The following IPO8 variants were observed in gnomAD, a reference collection of about 807,000 sequenced individuals.
IPO8 encodes the protein importin-8.
In IPO8, 65 loss-of-function variants were observed where a neutral mutation model predicts 141.2. The observed-to-expected ratio is 0.46, with a 90% CI of 0.38 to 0.57. The LOEUF (loss-of-function observed/expected upper bound fraction) is 0.57, where lower values mean the gene tolerates loss of function less well. IPO8 is among the 20% of genes least tolerant of loss of function. IPO8 has a pLI of 0.00. For missense variants in IPO8, 980 were observed against 1,246.8 expected (o/e 0.79, Z 3.22); for synonymous variants, 411 against 420.3 (o/e 0.98, Z 0.27).
intron 2 of IPO8, chr12:30,688,397 T>G (rs764726816): frequency 1.1e-5 from 5 of 437,370 alleles, no homozygotes; most frequent in Non-Finnish European, 1.8e-5. Context: ...ACACTTTAGA[T>G]TGCCCACAAG....
Position 30,656,134 on chromosome 12 carries a change from T to G in IPO8, c.1948+550A>C, listed in dbSNP as rs571895678. 1.1e-4 allele frequency among the ~76,000 whole-genome samples: 17 copies of G among 152,344 alleles called. No homozygotes were observed. In the East Asian group the frequency reaches 3.3e-3, roughly 29 times the overall value. On this transcript the variant is annotated intron_variant, in intron 17 of 24. Coordinates refer to ENST00000256079, the MANE Select transcript of IPO8 (RefSeq NM_006390.4). Reference sequence around the variant, plus strand: ...TCATGGCAGCCTCTACCTGCCAGGCTCATGTGATCCTCCCACTTCAGCCTA... The same window carrying G: ...TCATGGCAGCCTCTACCTGCCAGGCGCATGTGATCCTCCCACTTCAGCCTA...
At chr12:30,660,736 C>T (rs1591832773) in intron 16 of IPO8, among the ~76,000 whole-genome samples, 1 of 152,084 alleles carries the variant, frequency 6.6e-6, no homozygotes, top group Non-Finnish European at 1.5e-5. Context: ...TGTTCCATTA[C>T]CTAACACTTG....
intron 19 of IPO8, among the ~76,000 whole-genome samples, chr12:30,650,645 C>A (rs964955776): frequency 6.6e-6 from 1 of 152,074 alleles, no homozygotes; most frequent in East Asian, 1.9e-4. Flanking sequence ...GAACCTACTT[C>A]ATGGGGTCGT....
intron 19 of IPO8, among the ~76,000 whole-genome samples, chr12:30,650,089 AG>A (rs1428266681): frequency 1.3e-5 from 2 of 152,016 alleles, no homozygotes; most frequent in Non-Finnish European, 2.9e-5. Context: ...ATTTTTAAGA[AG>A]AAAAAAAAGC....
chr12:30,688,583 T>C, intron 2 of IPO8: 1 of 186,090 alleles, frequency 5.4e-6, no homozygotes, highest in South Asian at 7.5e-5. Context: ...ATTTTAATAA[T>C]AGATTAAACA....
Position 30,684,389 on chromosome 12 carries a change from T to C in IPO8, c.235A>G (p.Ile79Val), listed in dbSNP as rs752081566. 8.7e-6 allele frequency: 14 copies of C among 1,614,156 alleles called. No homozygotes were observed. Among genetic ancestry groups the C allele is most frequent in the South Asian group, 2.2e-5 (2 of 91,080 alleles). The part of the protein sequence containing the change: ...PDREPPPGEA[I>V]FPFNIHENDR... ...TTTTCGTGAATGTTGAATGGAAATA[T>C]TGCTTCTCCTGGTGGAGGTTCTCGA... is the stretch of plus-strand genomic sequence containing the variant. The change falls in exon 3 of 25, where the codon ATA becomes GTA. Residue 79 changes from isoleucine to valine, a missense_variant. Ile to Val is a conservative substitution (Grantham distance 29, BLOSUM62 3). Transcript: ENST00000256079.
At chr12:30,631,301 T>C (rs2052428792) in intron 24 of IPO8, among the ~76,000 whole-genome samples, 1 of 152,190 alleles carries the variant, frequency 6.6e-6, no homozygotes, top group Non-Finnish European at 1.5e-5. Context: ...TCTAAGTCCA[T>C]GCAGAAGAGC....
intron 15 of IPO8, 122 bp downstream of exon 15, chr12:30,662,205 T>G: frequency 1.4e-6 from 1 of 717,406 alleles, no homozygotes; most frequent in Non-Finnish European, 2.4e-6. Flanking sequence ...CAATCTGTCA[T>G]TGACTGAAAT....
At chr12:30,691,262 G>C (rs2053288483) in intron 1 of IPO8, among the ~76,000 whole-genome samples, 1 of 152,194 alleles carries the variant, frequency 6.6e-6, no homozygotes, top group African/African-American at 2.4e-5. Flanking sequence ...GTGAGCAATG[G>C]AGAGAAGCCA....
Position 30,669,222 on chromosome 12 carries a change from A to G in IPO8, c.1105T>C (p.Trp369Arg), listed in dbSNP as rs762674616. ...MCYKDEDEEL[W>R]QEDPYEYIRM... ...ATATACTCATATGGATCTTCTTGCC[A>G]CAGCTCTTCATCCTCATCTTTATAA... The change falls in exon 10 of 25, where the codon TGG (tryptophan) becomes CGG (arginine). Residue 369 changes from tryptophan (W) to arginine (R), a missense_variant. By Grantham distance (101) the Trp-to-Arg change is moderately radical. Coordinates refer to ENST00000256079, the MANE Select transcript of IPO8 (RefSeq NM_006390.4). 2 of 1,596,138 alleles carry G rather than the reference A, an allele frequency of 1.3e-6. No homozygotes were observed. Among genetic ancestry groups the G allele is most frequent in the East Asian group, 2.2e-5 (1 of 44,700 alleles).
At chr12:30,645,813 G>A (rs1275171069) in intron 20 of IPO8, among the ~76,000 whole-genome samples, 4 of 151,844 alleles carry the variant, frequency 2.6e-5, no homozygotes, top group African/African-American at 9.7e-5. Context: ...TGTAAACTAC[G>A]AATAAATCTA....
At chr12:30,668,383 C>T (rs2052998280) in intron 10 of IPO8, among the ~76,000 whole-genome samples, 1 of 152,174 alleles carries the variant, frequency 6.6e-6, no homozygotes, top group South Asian at 2.1e-4. Context: ...AAGGGGAAAG[C>T]ACTGCTTCAT....
At position 30,639,747 on chromosome 12, in the gene IPO8, G is replaced by A. The variant is rs765275572; in HGVS notation, c.2269-12C>T. 11 of 1,603,016 alleles carry A rather than the reference G, an allele frequency of 6.9e-6. No homozygotes were observed. The highest frequency in any genetic ancestry group is 8.5e-6 in the Non-Finnish European group (10 of 1,170,718). ...AAGAGTGGAATGCACTAGAAGACAAGCAAAAGAAAGTCAACCACACAGACA... is the reference window on the plus strand; with the variant it reads ...AAGAGTGGAATGCACTAGAAGACAAACAAAAGAAAGTCAACCACACAGACA... On this transcript the variant is annotated splice_polypyrimidine_tract_variant and intron_variant, in intron 20 of 24. Coordinates refer to ENST00000256079, the MANE Select transcript of IPO8 (RefSeq NM_006390.4).
At chr12:30,676,794 G>T (rs956153115) in intron 5 of IPO8, 1 of 876,968 alleles carries the variant, frequency 1.1e-6, no homozygotes, top group Non-Finnish European at 1.8e-6. Flanking sequence ...CCTGCCATGA[G>T]TTGTTTCTTG....
chr12:30,639,920 AC>A (rs888947114), intron 20 of IPO8, among the ~76,000 whole-genome samples, 185 bp from the exon 21 acceptor site: 3 of 152,228 alleles, frequency 2.0e-5, no homozygotes, highest in Non-Finnish European at 4.4e-5. Context: ...GACTAAATAG[AC>A]AAAAACAAGT....
intron 23 of IPO8, among the ~76,000 whole-genome samples, chr12:30,633,668 T>C (rs1245859825): frequency 6.6e-6 from 1 of 152,244 alleles, no homozygotes; most frequent in Non-Finnish European, 1.5e-5. Flanking sequence ...GTCACCCTCT[T>C]ACGGCAGCAA....
chr12:30,670,663 T>C (rs180871239), intron 9 of IPO8, among the ~76,000 whole-genome samples: 34 of 152,272 alleles, frequency 2.2e-4, no homozygotes, highest in Middle Eastern at 3.4e-3. Flanking sequence ...TAGCAACTTT[T>C]AGATAAGAAT....
At chr12:30,694,587 C>A (rs1014713155) in intron 1 of IPO8, among the ~76,000 whole-genome samples, 1 of 152,192 alleles carries the variant, frequency 6.6e-6, no homozygotes, top group African/African-American at 2.4e-5. Context: ...GTCCCACCCC[C>A]ACAGTTTCTG....
At position 30,656,728 on chromosome 12, in the gene IPO8, A is replaced by G. The variant is rs759153421; in HGVS notation, c.1904T>C (p.Ile635Thr). ...HKEITQQLEN[I>T]CLRIIDLVLQ... ...AACAAGATCAATGATCCGTAGACAG[A>G]TATTCTCTAACTGCTGGGTAATCTA... Residue 635 changes from isoleucine to threonine, a missense_variant, in exon 17 of 25, where the codon ATC (isoleucine) becomes ACC (threonine). Around this residue, in one of 3 missense-constraint regions of IPO8, gnomAD observed 924 missense variants for 1,153.9 expected, o/e 0.80. Transcript: ENST00000256079. The G allele has an allele frequency of 1.2e-5, 18 of 1,536,706 alleles. No individual in the cohort carries two copies. Among genetic ancestry groups the G allele is most frequent in the Non-Finnish European group, 1.6e-5 (18 of 1,126,882 alleles).
Sources: allele counts gnomAD v4.1 joint callset (sites outside exome capture counted in the v4.1 genomes callset), GRCh38; gene constraint gnomAD v4.1.1; regional missense constraint gnomAD v4.1.1; transcripts MANE v1.5; gene names NCBI Gene and HGNC (gene_info 2026-07-23, HGNC 2026-07-21).